TCEA1: variants seen among roughly 807,000 people sequenced by gnomAD.
TCEA1 encodes transcription elongation factor A1, also known as transcription elongation factor A protein 1.
Under a neutral mutation model 43.8 loss-of-function variants are expected in TCEA1, and 21 were observed. The ratio of observed to expected loss-of-function variants is 0.48; its 90% CI spans 0.34 to 0.69. The LOEUF (loss-of-function observed/expected upper bound fraction) is 0.69. Among genes scored for constraint, TCEA1 ranks in the 30% least tolerant of loss-of-function variants. The probability of loss-of-function intolerance (pLI) is 0.01; values close to 1 mark genes in which losing one functional copy is unlikely to be tolerated. For missense variants in TCEA1, 250 were observed against 365.1 expected (o/e 0.68, Z 2.57); for synonymous variants, 104 against 117.5 (o/e 0.88, Z 0.75).
chr8:53,972,637 G>A (rs1035579186), intron 8 of TCEA1: 101 of 609,210 alleles, frequency 1.7e-4, no homozygotes, highest in Middle Eastern at 4.5e-4. Context: ...GGAAAGGAGA[G>A]GGTGAAGGAA....
At chr8:53,978,180 T>G (rs182136351) in intron 8 of TCEA1, among the ~76,000 whole-genome samples, 1 of 152,218 alleles carries the variant, frequency 6.6e-6, no homozygotes, top group East Asian at 1.9e-4. Flanking sequence ...GAGAGGATCA[T>G]TCGAGTCTGG....
intron 2 of TCEA1, among the ~76,000 whole-genome samples, chr8:54,000,751 A>G (rs1348963090): frequency 6.7e-6 from 1 of 149,164 alleles, no homozygotes; most frequent in Non-Finnish European, 1.5e-5. Flanking sequence ...CAACCAGCAA[A>G]GCTGGGATTT....
rs1047179936 is a variant in TCEA1, at chr8:53,987,023, C to T, written c.469G>A (p.Asp157Asn). The stretch of plus-strand genomic sequence containing the variant: ...TCATCAGCTCCAATTGCAATGTAGT[C>T]ATCTAAAAATAGGCATAAAGAATTG... ...MLAAALRTGD[D>N]YIAIGADEEE... Residue 157 changes from aspartate (D) to asparagine (N), a missense_variant and splice_region_variant, in exon 6 of 10, where the codon GAC (aspartate) becomes AAC (asparagine). By Grantham distance (23) the Asp-to-Asn change is conservative. Around this residue, in one of 4 missense-constraint regions of TCEA1, gnomAD observed 147 missense variants for 160.3 expected, o/e 0.92. Coordinates refer to ENST00000521604, the MANE Select transcript of TCEA1 (RefSeq NM_006756.4). The T allele has an allele frequency of 4.4e-6, 7 of 1,594,800 alleles. No homozygotes were observed. The Admixed American group carries it at 1.2e-4, about 28-fold the overall frequency.
chr8:53,981,923 T>TTTTC (rs60044965), intron 7 of TCEA1, among the ~76,000 whole-genome samples: 19,860 of 142,556 alleles, frequency 0.14, 4,794 homozygotes, highest in African/African-American at 0.5. Flanking sequence ...CCCAGCTAAG[T>TTTTC]TTTCTTTTTT....
rs34864863 is a variant in TCEA1, at chr8:53,992,955, C to CTTT, written c.320+710_320+712dup. ...CATTTTAAGTTCTTATAACAAATGG[C>CTTT]TTTTTTTTTTTTTTTAAGATAAGGT... On this transcript the variant is annotated intron_variant, in intron 4 of 9. Coordinates refer to ENST00000521604, the MANE Select transcript of TCEA1 (RefSeq NM_006756.4). 7.0e-4 allele frequency among the ~76,000 whole-genome samples: 95 copies of CTTT among 136,262 alleles called. 1 individual carries two copies. The highest frequency in any genetic ancestry group is 2.5e-3 in the African/African-American group (92 of 37,200). 89.4% of individuals were successfully genotyped at this position (136,262 alleles called of 152,430 possible).
At chr8:54,013,188 T>A (rs923694512) in intron 1 of TCEA1, among the ~76,000 whole-genome samples, 2 of 152,210 alleles carry the variant, frequency 1.3e-5, no homozygotes, top group Non-Finnish European at 2.9e-5. Flanking sequence ...TAAATTGTTT[T>A]CCAAGTAGAG....
chr8:54,014,638 G>C (rs1365082202), intron 1 of TCEA1, among the ~76,000 whole-genome samples: 1 of 152,120 alleles, frequency 6.6e-6, no homozygotes, highest in African/African-American at 2.4e-5. Flanking sequence ...TCTGGTAATA[G>C]AAAACAAGTG....
chr8:53,996,815 T>C (rs1186533690), intron 3 of TCEA1, among the ~76,000 whole-genome samples: 1 of 139,302 alleles, frequency 7.2e-6, no homozygotes. Flanking sequence ...TAAATTTGAA[T>C]AGTAATGTAT....
chr8:53,972,120 T>TC, intron 8 of TCEA1: 1 of 290,978 alleles, frequency 3.4e-6, no homozygotes, highest in South Asian at 3.6e-5. Flanking sequence ...AGTGGTTCCA[T>TC]CCATAACGGC....
chr8:53,996,854 G>A (rs1326274191), intron 3 of TCEA1, among the ~76,000 whole-genome samples: 2 of 142,898 alleles, frequency 1.4e-5, no homozygotes, highest in African/African-American at 5.2e-5. Context: ...AAAGGAACCT[G>A]CGAGTCTACA....
At chr8:54,011,742 C>T (rs903014836) in intron 1 of TCEA1, among the ~76,000 whole-genome samples, 1 of 152,166 alleles carries the variant, frequency 6.6e-6, no homozygotes, top group African/African-American at 2.4e-5. Context: ...GATATAAAAT[C>T]AAGTAAAGGC....
chr8:53,968,886 AC>A (rs1026409018), intron 9 of TCEA1, among the ~76,000 whole-genome samples: 2 of 152,314 alleles, frequency 1.3e-5, no homozygotes, highest in African/African-American at 4.8e-5. Context: ...CCTCTCCTAG[AC>A]CAATGACAAC....
Position 53,984,455 on chromosome 8 carries a change from A to G in TCEA1, c.586T>C (p.Ser196Pro). 1 of 1,603,970 alleles carries G rather than the reference A, an allele frequency of 6.2e-7. No individual in the cohort carries two copies. The highest frequency in any genetic ancestry group is 8.5e-7 in the Non-Finnish European group (1 of 1,175,106). ...KYKNRVRSRI[S>P]NLKDAKNPNL... ...GGATTTTTTGCATCTTTAAGATTTGATATCCTACTTCGTACTCTATTTTTG... is the reference window on the plus strand; with the variant it reads ...GGATTTTTTGCATCTTTAAGATTTGGTATCCTACTTCGTACTCTATTTTTG... The change falls in exon 7 of 10, where the codon TCA becomes CCA. Residue 196 changes from serine to proline, a missense_variant. Ser to Pro is a moderately conservative substitution (Grantham distance 74). Transcript: ENST00000521604.
At chr8:53,994,958 G>T (rs1804004354) in intron 3 of TCEA1, among the ~76,000 whole-genome samples, 1 of 151,944 alleles carries the variant, frequency 6.6e-6, no homozygotes, top group Middle Eastern at 3.2e-3. Context: ...ATAGCCCAAA[G>T]AAACATTCAC....
chr8:53,968,882 C>T (rs191108671), intron 9 of TCEA1, among the ~76,000 whole-genome samples: 1 of 152,318 alleles, frequency 6.6e-6, no homozygotes, highest in Non-Finnish European at 1.5e-5. Context: ...TGTCCCTCTC[C>T]TAGACCAATG....
intron 3 of TCEA1, among the ~76,000 whole-genome samples, chr8:53,994,982 AAC>A (rs1385818183): frequency 6.6e-6 from 1 of 152,200 alleles, no homozygotes; most frequent in Non-Finnish European, 1.5e-5. Context: ...TAAATCAATC[AAC>A]ACAGTCTTAA....
chr8:53,970,370 A>G (rs1803121715), intron 9 of TCEA1, 22 bp downstream of exon 9: 2 of 1,523,950 alleles, frequency 1.3e-6, no homozygotes, highest in African/African-American at 2.7e-5. Flanking sequence ...AGTATATAAT[A>G]TGAATCCAAG....
At position 53,978,772 on chromosome 8, in the gene TCEA1, G is replaced by C. The variant is rs549284910; in HGVS notation, c.825+253C>G. The C allele has an allele frequency of 7.2e-5, 26 of 362,998 alleles. No homozygotes were observed. In the South Asian group the frequency reaches 1.5e-3, roughly 21 times the overall value. The allele number at this position is 362,998 out of a possible 1,614,324, so 22.5% of individuals were successfully genotyped here. On this transcript the variant is annotated intron_variant, in intron 8 of 9. Transcript: ENST00000521604. ...TGTTATAATTATTCTATTTGATTAA[G>C]TTATTATTGTTAATCTCTTCCTATG...
At chr8:54,008,388 T>A (rs1424115795) in intron 2 of TCEA1, among the ~76,000 whole-genome samples, 1 of 151,370 alleles carries the variant, frequency 6.6e-6, no homozygotes, top group Non-Finnish European at 1.5e-5. Flanking sequence ...AAATGCTGGC[T>A]GCAGTGGCTC....
Sources: gnomAD v4.1 joint callset for allele counts (sites outside exome capture counted in the v4.1 genomes callset) on GRCh38, gnomAD v4.1.1 for gene constraint, gnomAD v4.1.1 regional missense constraint, MANE v1.5 for transcripts, NCBI Gene and HGNC (gene_info 2026-07-23, HGNC 2026-07-21) for gene names.